Variants in CTNNA3 observed in about 807,000 individuals in gnomAD.
CTNNA3 encodes the protein catenin alpha 3, also known as catenin alpha-3.
A neutral mutation model predicts 95.7 loss-of-function variants in CTNNA3; 76 were observed. The ratio of observed to expected loss-of-function variants is 0.79; its 90% CI spans 0.66 to 0.96. CTNNA3 has a LOEUF of 0.96. CTNNA3 is among the 40% of genes least tolerant of loss of function. The pLI is 0.00. For missense variants in CTNNA3, 1,191 were observed against 1,089.8 expected (o/e 1.09, Z -1.31); for synonymous variants, 431 against 374.4 (o/e 1.15, Z -1.74).
At chr10:67,693,675 T>C (rs999807565) in intron 1 of CTNNA3, among the ~76,000 whole-genome samples, 2 of 152,188 alleles carry the variant, frequency 1.3e-5, no homozygotes, top group African/African-American at 4.8e-5. Context: ...AATTCATAAC[T>C]CTACCTCTCA....
chr10:67,026,966 A>T (rs1853429281), intron 7 of CTNNA3, among the ~76,000 whole-genome samples: 2 of 152,228 alleles, frequency 1.3e-5, no homozygotes. Flanking sequence ...TGTATAAGAC[A>T]CAGTTAATTC....
In CTNNA3 at chr10:65,925,168, T is replaced by C. The variant is rs148082126; in HGVS notation, c.2401-4551A>G. On this transcript the variant is annotated intron_variant, in intron 17 of 17. Transcript: ENST00000433211. ...TGTGTGTTTTTAGCTAATTCTTGTA[T>C]CCATTCTACCCAAACACTAGTCTAA... 3.9e-3 allele frequency among the ~76,000 whole-genome samples: 594 copies of C among 152,310 alleles called. 2 individuals carry two copies. The highest frequency in any genetic ancestry group is 5.1e-3 in the Non-Finnish European group (346 of 68,036).
chr10:66,699,733 C>T (rs1052898353), intron 9 of CTNNA3, among the ~76,000 whole-genome samples: 4 of 151,278 alleles, frequency 2.6e-5, no homozygotes, highest in Non-Finnish European at 5.9e-5. Flanking sequence ...ATGATCTCAG[C>T]TCACAACCTT....
chr10:67,144,747 C>T (rs1344611278), intron 7 of CTNNA3, among the ~76,000 whole-genome samples: 1 of 152,186 alleles, frequency 6.6e-6, no homozygotes, highest in Non-Finnish European at 1.5e-5. Context: ...ATCCAGACCA[C>T]TAAAACCTTA....
At chr10:67,726,342 A>C (rs182922691) in intron 1 of CTNNA3, among the ~76,000 whole-genome samples, 5,892 of 56,012 alleles carry the variant, frequency 0.11, 365 homozygotes, top group Middle Eastern at 0.22. Context: ...TATTATATAT[A>C]ATATATGATA....
chr10:67,227,949 T>A (rs767630572), intron 5 of CTNNA3, among the ~76,000 whole-genome samples: 2 of 152,138 alleles, frequency 1.3e-5, no homozygotes, highest in South Asian at 4.1e-4. Flanking sequence ...TGAATTAGCA[T>A]TGGGTCAAAA....
At chr10:67,440,678 C>T (rs986762911) in intron 5 of CTNNA3, among the ~76,000 whole-genome samples, 1 of 152,082 alleles carries the variant, frequency 6.6e-6, no homozygotes, top group Non-Finnish European at 1.5e-5. Context: ...GAGAAGAGAA[C>T]AAGAGTCTCT....
intron 11 of CTNNA3, among the ~76,000 whole-genome samples, chr10:66,389,090 G>GA (rs200955883): frequency 4.3e-4 from 66 of 151,824 alleles, no homozygotes; most frequent in Middle Eastern, 3.4e-3. Flanking sequence ...TTTTAGGAAA[G>GA]AAAAAAAATG....
rs12217179 is a variant in CTNNA3, at chr10:66,981,923, C to T, written c.1047+198394G>A. On this transcript the variant is annotated intron_variant, in intron 7 of 17. Coordinates refer to ENST00000433211, the MANE Select transcript of CTNNA3 (RefSeq NM_013266.4). ...AAAAGAACAAAGAGAAAATGAAATC[C>T]ACAGGAAGCTCCCAAAGGCTGCCTA... Among the ~76,000 whole-genome samples the T allele has an allele frequency of 3.8e-3, 572 of 152,234 alleles. 29 individuals carry two copies. The East Asian group carries it at 0.09, about 24-fold the overall frequency.
intron 7 of CTNNA3, among the ~76,000 whole-genome samples, chr10:67,159,740 T>C (rs1861455552): frequency 6.6e-6 from 1 of 152,110 alleles, no homozygotes; most frequent in Admixed American, 6.6e-5. Flanking sequence ...ATTAAAGACT[T>C]AAACATAAGA....
At chr10:66,264,176 C>T (rs1344570860) in intron 13 of CTNNA3, among the ~76,000 whole-genome samples, 1 of 151,908 alleles carries the variant, frequency 6.6e-6, no homozygotes, top group Non-Finnish European at 1.5e-5. Flanking sequence ...AATTCAATAT[C>T]TAAAGGCCAC....
chr10:67,441,419 G>T (rs1267256219), intron 5 of CTNNA3, among the ~76,000 whole-genome samples: 1 of 152,034 alleles, frequency 6.6e-6, no homozygotes, highest in African/African-American at 2.4e-5. Flanking sequence ...TCAGAGAACT[G>T]CCCAAACCCA....
intron 7 of CTNNA3, among the ~76,000 whole-genome samples, chr10:67,073,746 C>CA (rs911013308): frequency 6.6e-5 from 10 of 151,808 alleles, no homozygotes; most frequent in East Asian, 3.9e-4. Flanking sequence ...AAATAGAGAT[C>CA]AAAAAAATGA....
At chr10:67,571,601 T>C (rs78070359) in intron 3 of CTNNA3, among the ~76,000 whole-genome samples, 4 of 152,190 alleles carry the variant, frequency 2.6e-5, no homozygotes, top group African/African-American at 9.6e-5. Context: ...TAGATTATAA[T>C]AGACTATAGT....
At chr10:67,698,660 T>C (rs1000008329), upstream of CTNNA3, among the ~76,000 whole-genome samples, 9 of 152,210 alleles carry the variant, frequency 5.9e-5, no homozygotes, top group African/African-American at 1.4e-4. Context: ...TTTAAAAATA[T>C]GTAATTTTCT....
intron 7 of CTNNA3, among the ~76,000 whole-genome samples, chr10:66,920,886 G>A (rs953286970): frequency 2.1e-4 from 32 of 151,976 alleles, no homozygotes; most frequent in Middle Eastern, 6.8e-3. Flanking sequence ...AATATATCCC[G>A]AATCTAACCA....
intron 13 of CTNNA3, among the ~76,000 whole-genome samples, chr10:66,239,663 A>G (rs1034225711): frequency 3.9e-5 from 6 of 152,136 alleles, no homozygotes; most frequent in African/African-American, 1.4e-4. Context: ...TATGTTTTAC[A>G]TGGAACATTT....
chr10:66,263,926 C>T (rs1029268979), intron 13 of CTNNA3, among the ~76,000 whole-genome samples: 1 of 151,918 alleles, frequency 6.6e-6, no homozygotes, highest in African/African-American at 2.4e-5. Context: ...TCTGAGACAG[C>T]CGTTTCTCGG....
At chr10:66,219,569 C>T (rs2088787533) in intron 13 of CTNNA3, among the ~76,000 whole-genome samples, 1 of 152,108 alleles carries the variant, frequency 6.6e-6, no homozygotes, top group South Asian at 2.1e-4. Context: ...GAATCCTCCT[C>T]TTAACAGCCA....
Sources: allele counts gnomAD v4.1 joint callset (sites outside exome capture counted in the v4.1 genomes callset), GRCh38; gene constraint gnomAD v4.1.1; transcripts MANE v1.5; gene names NCBI Gene and HGNC (gene_info 2026-07-23, HGNC 2026-07-21).